CDH1: variants seen among roughly 807,000 people sequenced by gnomAD.
CDH1 encodes the protein cadherin 1.
In CDH1, 35 loss-of-function variants were observed where a neutral mutation model predicts 84.5. The observed-to-expected ratio is 0.41, with a 90% CI of 0.32 to 0.55. The LOEUF is 0.55. Ranked by LOEUF, CDH1 falls within the 20% of genes least tolerant of loss-of-function variation. The probability of loss-of-function intolerance (pLI) is 0.19; values close to 1 mark genes in which losing one functional copy is unlikely to be tolerated. For synonymous variants in CDH1, 417 were observed against 439.0 expected (o/e 0.95, Z 0.63); for missense variants, 994 against 1,126.6 (o/e 0.88, Z 1.68).
Position 68,812,243 on chromosome 16 carries a change from C to T in CDH1, c.1117C>T (p.Pro373Ser), listed in dbSNP as rs1960859866. Reference protein sequence around the residue: ...ITVTDTNDNPPIFNPTTYKGQ... With the variant: ...ITVTDTNDNPSIFNPTTYKGQ... ...AGTCACTGACACCAACGATAATCCTCCGATCTTCAATCCCACCACGGTAAT... is the reference window on the plus strand; with the variant it reads ...AGTCACTGACACCAACGATAATCCTTCGATCTTCAATCCCACCACGGTAAT... The change falls in exon 8 of 16, where the codon CCG (proline) becomes TCG (serine). Residue 373 changes from proline (P) to serine (S), a missense_variant. Transcript: ENST00000261769. 1 of 1,614,180 alleles carries T rather than the reference C, an allele frequency of 6.2e-7. No individual in the cohort carries two copies. Among genetic ancestry groups the T allele is most frequent in the Non-Finnish European group, 8.5e-7 (1 of 1,179,986 alleles).
chr16:68,765,122 C>A (rs1272213314), intron 2 of CDH1: 2 of 152,190 alleles, frequency 1.3e-5, no homozygotes, highest in African/African-American at 2.4e-5. Context: ...TGCAGTTTCA[C>A]TTTTAGGTTG....
chr16:68,818,284 G>A (rs1961037407), intron 10 of CDH1, among the ~76,000 whole-genome samples: 1 of 151,362 alleles, frequency 6.6e-6, no homozygotes, highest in Admixed American at 6.6e-5. Context: ...ATCAAATTGG[G>A]GTTATATAAC....
intron 2 of CDH1, 151 bp downstream of exon 2, chr16:68,738,562 C>T: frequency 1.7e-6 from 1 of 601,782 alleles, no homozygotes; most frequent in Non-Finnish European, 3.0e-6. Flanking sequence ...TTTGGGGATC[C>T]AAACGTTTAC....
chr16:68,777,462 A>C (rs1180220923), intron 2 of CDH1, among the ~76,000 whole-genome samples: 1 of 151,842 alleles, frequency 6.6e-6, no homozygotes, highest in Admixed American at 6.6e-5. Flanking sequence ...TCTGCCACCA[A>C]AGGCTTTAGC....
intron 3 of CDH1, among the ~76,000 whole-genome samples, chr16:68,803,068 C>T (rs1960558275): frequency 6.6e-6 from 1 of 152,114 alleles, no homozygotes. Flanking sequence ...GTGCTTCCTA[C>T]CGAAATGTCT....
Position 68,812,245 on chromosome 16 carries a change from G to T in CDH1, c.1119G>T (p.Pro373=), listed in dbSNP as rs758258272. 1 of 1,614,106 alleles carries T rather than the reference G, an allele frequency of 6.2e-7. No homozygotes were observed. The highest frequency in any genetic ancestry group is 8.5e-7 in the Non-Finnish European group (1 of 1,179,982). The change falls in exon 8 of 16, where the codon CCG becomes CCT. Residue 373 remains proline, a synonymous_variant. Coordinates refer to ENST00000261769, the MANE Select transcript of CDH1 (RefSeq NM_004360.5). ...TCACTGACACCAACGATAATCCTCCGATCTTCAATCCCACCACGGTAATTC... is the reference window on the plus strand; with the variant it reads ...TCACTGACACCAACGATAATCCTCCTATCTTCAATCCCACCACGGTAATTC... ...ITVTDTNDNP[P]IFNPTTYKGQ... is the part of the protein sequence containing the mutation.
intron 2 of CDH1, among the ~76,000 whole-genome samples, chr16:68,747,250 C>G (rs1338739899): frequency 6.6e-6 from 1 of 151,980 alleles, no homozygotes; most frequent in African/African-American, 2.4e-5. Flanking sequence ...AAGTGGGGTA[C>G]CCAAAGGTGT....
intron 12 of CDH1, 147 bp downstream of exon 12, chr16:68,822,372 G>A: frequency 1.4e-6 from 1 of 705,208 alleles, no homozygotes; most frequent in Non-Finnish European, 2.6e-6. Context: ...TGTCTTTGAG[G>A]CCTTGCTCCA....
Position 68,783,686 on chromosome 16 carries a change from A to AT in CDH1, c.164-17976dup, listed in dbSNP as rs964904465. Among the ~76,000 whole-genome samples the AT allele has an allele frequency of 1.2e-4, 18 of 151,456 alleles. 1 individual carries two copies. The East Asian group carries it at 1.6e-3, about 13-fold the overall frequency. ...CTCCCTCATTCTTTTTATTTTATTT[A>AT]TTTTTTTTGAGATAGAGTCTCGCTC... On this transcript the variant is annotated intron_variant, in intron 2 of 15. Transcript: ENST00000261769.
chr16:68,791,794 C>T (rs960862790), intron 2 of CDH1, among the ~76,000 whole-genome samples: 25 of 152,120 alleles, frequency 1.6e-4, no homozygotes, highest in African/African-American at 5.8e-4. Flanking sequence ...TTGCTTTGTC[C>T]ATTGCTGTAT....
intron 2 of CDH1, among the ~76,000 whole-genome samples, chr16:68,745,188 G>A (rs187965214): frequency 9.9e-5 from 15 of 151,548 alleles, no homozygotes; most frequent in South Asian, 4.2e-4. Flanking sequence ...GCTTTTAAAA[G>A]TTATCCAGGC....
At chr16:68,786,227 A>G (rs536939020) in intron 2 of CDH1, among the ~76,000 whole-genome samples, 12 of 152,018 alleles carry the variant, frequency 7.9e-5, no homozygotes, top group African/African-American at 2.7e-4. Context: ...GCCGGAGTGC[A>G]GTGATGCGAT....
At chr16:68,772,429 C>G (rs370886393) in intron 2 of CDH1, among the ~76,000 whole-genome samples, 43 of 152,264 alleles carry the variant, frequency 2.8e-4, no homozygotes, top group African/African-American at 9.4e-4. Context: ...AAGGAAAATT[C>G]AATAAATGTT....
chr16:68,756,192 A>T (rs1053941285), intron 2 of CDH1, among the ~76,000 whole-genome samples: 1 of 149,894 alleles, frequency 6.7e-6, no homozygotes, highest in East Asian at 2.0e-4. Context: ...CTTACTTTGG[A>T]ATCTCACCTT....
intron 14 of CDH1, 117 bp from the exon 15 acceptor site, chr16:68,829,537 T>C (rs1181266223): frequency 9.9e-7 from 1 of 1,013,658 alleles, no homozygotes; most frequent in Non-Finnish European, 1.5e-6. Flanking sequence ...CTGGTAAAGA[T>C]CATACAGTTG....
At chr16:68,768,367 A>C (rs754318156) in intron 2 of CDH1, among the ~76,000 whole-genome samples, 5 of 152,258 alleles carry the variant, frequency 3.3e-5, no homozygotes, top group Non-Finnish European at 5.9e-5. Flanking sequence ...AGAGGAAAAC[A>C]AGATCAGTTG....
chr16:68,815,039 A>C (rs1035460894), intron 9 of CDH1, among the ~76,000 whole-genome samples: 1 of 152,106 alleles, frequency 6.6e-6, no homozygotes, highest in Non-Finnish European at 1.5e-5. Context: ...CAGCCTGGCC[A>C]ACATGGTGAA....
intron 2 of CDH1, among the ~76,000 whole-genome samples, chr16:68,774,955 A>G (rs973523073): frequency 6.6e-6 from 1 of 152,082 alleles, no homozygotes; most frequent in African/African-American, 2.4e-5. Context: ...TTAAATACAT[A>G]AAAGTTGAGA....
intron 3 of CDH1, among the ~76,000 whole-genome samples, chr16:68,803,281 T>C (rs1960565409): frequency 6.6e-6 from 1 of 152,172 alleles, no homozygotes; most frequent in Non-Finnish European, 1.5e-5. Context: ...TATAGGACCA[T>C]ATTAACTTAG....
Sources: gnomAD v4.1 joint callset for allele counts (sites outside exome capture counted in the v4.1 genomes callset) on GRCh38, gnomAD v4.1.1 for gene constraint, MANE v1.5 for transcripts, NCBI Gene and HGNC (gene_info 2026-07-23, HGNC 2026-07-21) for gene names.